LRBA: variants seen among roughly 807,000 people sequenced by gnomAD.
LRBA encodes LPS responsive beige-like anchor protein.
LRBA carries 176 observed loss-of-function variants against 330.0 expected under a neutral mutation model. The ratio of observed to expected loss-of-function variants is 0.53; its 90% CI spans 0.47 to 0.60. The LOEUF is 0.60. Ranked by LOEUF, LRBA falls within the 20% of genes least tolerant of loss-of-function variation. The pLI is 0.00. For synonymous variants in LRBA, 1,230 were observed against 1,193.0 expected (o/e 1.03, Z -0.64); for missense variants, 3,259 against 3,444.8 (o/e 0.95, Z 1.35).
intron 48 of LRBA, among the ~76,000 whole-genome samples, chr4:150,345,817 T>A (rs1442329662): frequency 6.6e-6 from 1 of 152,204 alleles, no homozygotes; most frequent in Non-Finnish European, 1.5e-5. Context: ...CCTCAACCTT[T>A]TTTTTTGAGA....
At chr4:150,668,251 T>C (rs1476248559) in intron 37 of LRBA, among the ~76,000 whole-genome samples, 2 of 152,212 alleles carry the variant, frequency 1.3e-5, no homozygotes, top group Non-Finnish European at 2.9e-5. Context: ...AGGTCTTCCT[T>C]TGCAAATTTT....
In LRBA at chr4:150,625,907, G is replaced by A. The variant is rs965046551; in HGVS notation, c.5922-26776C>T. Among the ~76,000 whole-genome samples the A allele has an allele frequency of 3.3e-5, 5 of 151,392 alleles. No individual in the cohort carries two copies. In the South Asian group the frequency reaches 6.3e-4, roughly 19 times the overall value. ...GTATTTTTAGTAGAGACAGGGTTTC[G>A]CCATGTTGGCCAGGCTGGTCTTGAA... On this transcript the variant is annotated intron_variant, in intron 37 of 56. Coordinates refer to ENST00000651943, the MANE Select transcript of LRBA (RefSeq NM_001364905.1).
chr4:150,447,184 A>G (rs779507957), intron 44 of LRBA, among the ~76,000 whole-genome samples: 3 of 152,214 alleles, frequency 2.0e-5, no homozygotes, highest in Non-Finnish European at 4.4e-5. Context: ...GAAAAAAAAT[A>G]ACCTCATGTA....
chr4:150,626,420 GT>G (rs1776869430), intron 37 of LRBA, among the ~76,000 whole-genome samples: 1 of 152,118 alleles, frequency 6.6e-6, no homozygotes, highest in Non-Finnish European at 1.5e-5. Context: ...TTAAGATGTT[GT>G]TACTATGTGT....
At chr4:150,835,988 T>G (rs556496670) in intron 28 of LRBA, among the ~76,000 whole-genome samples, 7 of 152,350 alleles carry the variant, frequency 4.6e-5, no homozygotes, top group African/African-American at 1.7e-4. Flanking sequence ...AATACCTAAT[T>G]TATACAGAGT....
chr4:150,694,462 C>CAAAAAAAAAAAAAAA (rs58558446), intron 36 of LRBA, among the ~76,000 whole-genome samples: 35,412 of 68,922 alleles, frequency 0.51, 14,538 homozygotes, highest in Non-Finnish European at 0.7. Flanking sequence ...TGATCTTTAA[C>CAAAAAAAAAAAAAAA]AAAAAAAAAA....
chr4:150,339,012 T>C (rs1304678908), intron 48 of LRBA, among the ~76,000 whole-genome samples: 1 of 148,930 alleles, frequency 6.7e-6, no homozygotes, highest in African/African-American at 2.5e-5. Context: ...GAACCCAGAG[T>C]TCTAGAATTC....
intron 27 of LRBA, 24 bp from the exon 28 acceptor site, chr4:150,844,231 G>GTATA: frequency 8.9e-7 from 1 of 1,123,014 alleles, no homozygotes; most frequent in Non-Finnish European, 1.3e-6. Flanking sequence ...AAAAAAAATT[G>GTATA]TATATATATA....
At chr4:150,639,362 A>AT (rs1778273761) in intron 37 of LRBA, among the ~76,000 whole-genome samples, 1 of 125,774 alleles carries the variant, frequency 8.0e-6, no homozygotes, top group African/African-American at 4.8e-5. Context: ...AAGTATAATA[A>AT]AAAAAAAAAA....
intron 51 of LRBA, among the ~76,000 whole-genome samples, chr4:150,314,399 A>C (rs1196162872): frequency 1.3e-5 from 2 of 152,132 alleles, no homozygotes; most frequent in African/African-American, 4.8e-5. Context: ...TACTTGGGGA[A>C]ATGATAAATG....
intron 13 of LRBA, among the ~76,000 whole-genome samples, chr4:150,902,504 T>G (rs2127142522): frequency 6.6e-6 from 1 of 152,250 alleles, no homozygotes; most frequent in Middle Eastern, 3.4e-3. Context: ...ATCCTCTCCA[T>G]TTACATAGGG....
chr4:151,004,751 C>G (rs1378853926), intron 2 of LRBA, among the ~76,000 whole-genome samples: 1 of 151,768 alleles, frequency 6.6e-6, no homozygotes, highest in Non-Finnish European at 1.5e-5. Context: ...TTTGGGAGGC[C>G]GAGGCAGGTG....
chr4:150,435,463 T>A lies in LRBA; in HGVS notation c.7041+126A>T. 6 of 804,802 alleles carry A rather than the reference T, an allele frequency of 7.5e-6. No individual in the cohort carries two copies. The South Asian group carries it at 1.2e-4, about 16-fold the overall frequency. 49.9% of individuals were successfully genotyped at this position (804,802 alleles called of 1,614,324 possible). Reference sequence around the variant, plus strand: ...ATGCTGTAATTCTTGGCCATTTAATTAAGGACTTATCTTCTGAGATTTATC... The same window carrying A: ...ATGCTGTAATTCTTGGCCATTTAATAAAGGACTTATCTTCTGAGATTTATC... On this transcript the variant is annotated intron_variant, in intron 46 of 56. Transcript: ENST00000651943.
Position 150,921,304 on chromosome 4 carries a change from A to G in LRBA, c.550-11T>C. The G allele has an allele frequency of 6.6e-7, 1 of 1,517,352 alleles. No individual in the cohort carries two copies. The highest frequency in any genetic ancestry group is 9.2e-7 in the Non-Finnish European group (1 of 1,092,432). 94.0% of individuals were successfully genotyped at this position (1,517,352 alleles called of 1,614,324 possible). A position where few individuals can be genotyped will look rare whatever the true frequency, so the allele number is the denominator to read the frequency against. On this transcript the variant is annotated splice_polypyrimidine_tract_variant and intron_variant, in intron 4 of 56. Coordinates refer to ENST00000651943, the MANE Select transcript of LRBA (RefSeq NM_001364905.1). ...CCCAGCATGTGGAGGCTATGAAGAT[A>G]ATTAACAATTCATTAACCACATTAT...
At chr4:150,502,053 G>T (rs1190699604) in intron 40 of LRBA, among the ~76,000 whole-genome samples, 1 of 152,212 alleles carries the variant, frequency 6.6e-6, no homozygotes, top group African/African-American at 2.4e-5. Context: ...GCAGGGCAGA[G>T]TAGCAGATCA....
At chr4:150,688,070 A>G (rs559886330) in intron 36 of LRBA, among the ~76,000 whole-genome samples, 31 of 152,320 alleles carry the variant, frequency 2.0e-4, no homozygotes, top group African/African-American at 7.2e-4. Flanking sequence ...AGGCTACAGT[A>G]ACCAAAACAG....
chr4:150,404,013 C>T (rs896667570), intron 47 of LRBA, among the ~76,000 whole-genome samples: 1 of 151,956 alleles, frequency 6.6e-6, no homozygotes, highest in African/African-American at 2.4e-5. Context: ...GCCTGGGCGA[C>T]AGAGCGAGAT....
At chr4:150,815,041 G>T (rs1744355067) in intron 31 of LRBA, among the ~76,000 whole-genome samples, 3 of 151,850 alleles carry the variant, frequency 2.0e-5, no homozygotes, top group Non-Finnish European at 4.4e-5. Flanking sequence ...AGCAATCAAA[G>T]GGTCCTATTT....
chr4:150,718,171 T>C (rs1422691296), intron 36 of LRBA, among the ~76,000 whole-genome samples: 1 of 152,084 alleles, frequency 6.6e-6, no homozygotes, highest in African/African-American at 2.4e-5. Flanking sequence ...ATGACATTCA[T>C]GGAACCTCTC....
Sources: allele counts gnomAD v4.1 joint callset (sites outside exome capture counted in the v4.1 genomes callset), GRCh38; gene constraint gnomAD v4.1.1; transcripts MANE v1.5; gene names NCBI Gene and HGNC (gene_info 2026-07-23, HGNC 2026-07-21).